MARCHF1: variants seen among roughly 807,000 people sequenced by gnomAD.
MARCHF1 encodes the protein E3 ubiquitin-protein ligase MARCHF1.
MARCHF1 carries 40 observed loss-of-function variants against 54.2 expected under a neutral mutation model. That is an observed-to-expected ratio of 0.74 (90% CI 0.57 to 0.96). The LOEUF is 0.96. MARCHF1 is among the 40% of genes least tolerant of loss of function. The probability of loss-of-function intolerance (pLI) is 0.00; values close to 1 mark genes in which losing one functional copy is unlikely to be tolerated. For missense variants in MARCHF1, 586 were observed against 656.5 expected (o/e 0.89, Z 1.17); for synonymous variants, 236 against 236.3 (o/e 1.00, Z 0.01).
At chr4:164,375,814 T>C (rs185285059) in intron 1 of MARCHF1, among the ~76,000 whole-genome samples, 9 of 152,312 alleles carry the variant, frequency 5.9e-5, no homozygotes, top group African/African-American at 1.9e-4. Context: ...CCCCCAACAG[T>C]AGGACCTTGA....
chr4:164,179,953 A>C (rs1560941952), intron 1 of MARCHF1, among the ~76,000 whole-genome samples: 1 of 148,588 alleles, frequency 6.7e-6, no homozygotes, highest in African/African-American at 2.5e-5. Context: ...ACTAGGAAAA[A>C]ATTAACTCCA....
At chr4:164,293,247 T>C (rs1734327241) in intron 1 of MARCHF1, among the ~76,000 whole-genome samples, 1 of 152,054 alleles carries the variant, frequency 6.6e-6, no homozygotes, top group Non-Finnish European at 1.5e-5. Flanking sequence ...CCCTGCAACC[T>C]AAGTATATAT....
At chr4:163,863,874 A>C (rs928876021) in intron 3 of MARCHF1, among the ~76,000 whole-genome samples, 3 of 152,004 alleles carry the variant, frequency 2.0e-5, no homozygotes, top group African/African-American at 7.2e-5. Flanking sequence ...ACCAAACACA[A>C]TTTGGGGCAT....
chr4:164,300,004 T>C (rs771545575), intron 1 of MARCHF1, among the ~76,000 whole-genome samples: 8 of 152,124 alleles, frequency 5.3e-5, no homozygotes, highest in Non-Finnish European at 1.0e-4. Context: ...GAAAATTACA[T>C]GAATCAAACA....
chr4:164,075,879 T>C (rs1292243765), intron 2 of MARCHF1, among the ~76,000 whole-genome samples: 1 of 152,102 alleles, frequency 6.6e-6, no homozygotes, highest in East Asian at 1.9e-4. Flanking sequence ...CATATGCATA[T>C]AGGAGCCTAT....
At chr4:163,803,924 C>G (rs1748154351) in intron 4 of MARCHF1, among the ~76,000 whole-genome samples, 1 of 152,220 alleles carries the variant, frequency 6.6e-6, no homozygotes. Context: ...GAAACAACAG[C>G]TGCTTCAAAG....
chr4:163,933,011 A>T, intron 3 of MARCHF1: 3 of 1,123,902 alleles, frequency 2.7e-6, no homozygotes, highest in Non-Finnish European at 4.0e-6. Context: ...CCACACATCC[A>T]ATCTGCCTGG....
chr4:164,123,264 C>T (rs962509489), intron 1 of MARCHF1, among the ~76,000 whole-genome samples: 1 of 151,892 alleles, frequency 6.6e-6, no homozygotes, highest in African/African-American at 2.4e-5. Context: ...AGTAAAAGAC[C>T]TCTATAATGA....
At position 164,262,727 on chromosome 4, in the gene MARCHF1, G is replaced by T. The variant is rs192774204; in HGVS notation, c.-323+121143C>A. On this transcript the variant is annotated intron_variant, in intron 1 of 9. Coordinates refer to ENST00000514618, the MANE Select transcript of MARCHF1 (RefSeq NM_001394959.1). ...GACAATGATGCTGACAGTGGGAAAT[G>T]CACTGGAGACGATGATTGGCAAAGC... Among the ~76,000 whole-genome samples, 365 of 152,282 alleles carry T rather than the reference G, an allele frequency of 2.4e-3. 1 individual carries two copies. The highest frequency in any genetic ancestry group is 8.3e-3 in the African/African-American group (344 of 41,572).
chr4:163,590,023 A>AT (rs1201154153), intron 7 of MARCHF1, among the ~76,000 whole-genome samples: 2 of 151,238 alleles, frequency 1.3e-5, no homozygotes, highest in Non-Finnish European at 2.9e-5. Context: ...AGCAGACCAC[A>AT]TAACGCTATG....
At chr4:163,540,650 CTT>C (rs1240454339) in intron 9 of MARCHF1, among the ~76,000 whole-genome samples, 1 of 152,098 alleles carries the variant, frequency 6.6e-6, no homozygotes, top group African/African-American at 2.4e-5. Context: ...ATAGAAATAA[CTT>C]TTAGCAGCTA....
intron 4 of MARCHF1, among the ~76,000 whole-genome samples, chr4:163,802,571 T>G (rs1748111800): frequency 6.6e-6 from 1 of 152,216 alleles, no homozygotes; most frequent in African/African-American, 2.4e-5. Context: ...TACAGGAGGC[T>G]TTTTAAGAGG....
chr4:163,654,605 C>G (rs1743076676), intron 5 of MARCHF1, among the ~76,000 whole-genome samples: 1 of 151,572 alleles, frequency 6.6e-6, no homozygotes. Context: ...TAGTGTTCCT[C>G]TTCATCTTTG....
intron 1 of MARCHF1, among the ~76,000 whole-genome samples, chr4:164,137,390 T>C (rs1054799745): frequency 6.6e-6 from 1 of 152,184 alleles, no homozygotes; most frequent in East Asian, 1.9e-4. Flanking sequence ...GATAGTAGGA[T>C]AATAGAACAT....
chr4:164,362,072 G>A (rs1730736666), intron 1 of MARCHF1, among the ~76,000 whole-genome samples: 1 of 151,904 alleles, frequency 6.6e-6, no homozygotes, highest in African/African-American at 2.4e-5. Flanking sequence ...ACACCAAATG[G>A]TTTTATCACA....
intron 1 of MARCHF1, among the ~76,000 whole-genome samples, chr4:164,214,135 CAAT>C (rs1262494562): frequency 2.0e-5 from 3 of 150,558 alleles, no homozygotes; most frequent in Non-Finnish European, 2.9e-5. Flanking sequence ...ACACATACAA[CAAT>C]ATTTTAAGTA....
chr4:164,142,897 C>A (rs1756586883), intron 1 of MARCHF1, among the ~76,000 whole-genome samples: 1 of 151,918 alleles, frequency 6.6e-6, no homozygotes, highest in South Asian at 2.1e-4. Context: ...ACATTCAAAC[C>A]AAAGGCAAAG....
intron 1 of MARCHF1, among the ~76,000 whole-genome samples, chr4:164,379,187 A>G (rs1164237824): frequency 1.3e-5 from 2 of 152,238 alleles, no homozygotes; most frequent in Non-Finnish European, 2.9e-5. Flanking sequence ...GAATCTATAG[A>G]AAAAATCAAA....
At chr4:164,007,672 G>C (rs1346538555) in intron 2 of MARCHF1, among the ~76,000 whole-genome samples, 7 of 151,758 alleles carry the variant, frequency 4.6e-5, no homozygotes, top group Non-Finnish European at 1.0e-4. Context: ...GTGTGTGTGT[G>C]TGTGTGTGTG....
Sources: gnomAD v4.1 joint callset for allele counts (sites outside exome capture counted in the v4.1 genomes callset) on GRCh38, gnomAD v4.1.1 for gene constraint, MANE v1.5 for transcripts, NCBI Gene and HGNC (gene_info 2026-07-23, HGNC 2026-07-21) for gene names.